The following SHANK1 variants were observed in gnomAD, a reference collection of about 807,000 sequenced individuals.
The protein encoded by SHANK1 is SH3 and multiple ankyrin repeat domains protein 1.
In SHANK1, 35 loss-of-function variants were observed where a neutral mutation model predicts 165.6. That is an observed-to-expected ratio of 0.21 (90% CI 0.16 to 0.28). SHANK1 has a LOEUF of 0.28. Ranked by LOEUF, SHANK1 falls within the 10% of genes least tolerant of loss-of-function variation. SHANK1 has a pLI of 1.00. For synonymous variants in SHANK1, 1,428 were observed against 1,384.8 expected, an observed-to-expected ratio of 1.03 and a Z score of -0.69; for missense variants, 2,681 against 3,036.4, an observed-to-expected ratio of 0.88 and a Z score of 2.75.
At position 50,713,970 on chromosome 19, in the gene SHANK1, G is replaced by A. The variant is rs371374652; in HGVS notation, c.641-21C>T. 2 of 1,613,226 alleles carry A rather than the reference G, an allele frequency of 1.2e-6. No homozygotes were observed. Among genetic ancestry groups the A allele is most frequent in the East Asian group, 4.5e-5 (2 of 44,868 alleles). On this transcript the variant is annotated intron_variant, in intron 5 of 23. Transcript: ENST00000293441. This position sits in a 1 kb window ranked among gnomAD's most constrained non-coding sequence, Gnocchi z 6.2. ...GGTCTCTGAAGGGCGGGAAAAGCTGGTCACATGAAGCCCCTTCTCCTCCCC... is the reference window on the plus strand; with the variant it reads ...GGTCTCTGAAGGGCGGGAAAAGCTGATCACATGAAGCCCCTTCTCCTCCCC...
intron 11 of SHANK1, among the ~76,000 whole-genome samples, 193 bp downstream of exon 11, chr19:50,703,307 G>C (rs1038193809): frequency 6.6e-6 from 1 of 152,140 alleles, no homozygotes; most frequent in African/African-American, 2.4e-5. Context: ...CAGACATCCA[G>C]CTAACATGTG....
intron 21 of SHANK1, among the ~76,000 whole-genome samples, chr19:50,682,466 A>G (rs969343439): frequency 6.6e-6 from 1 of 152,190 alleles, no homozygotes; most frequent in Non-Finnish European, 1.5e-5. Flanking sequence ...CTTTAGCCCC[A>G]TTTTAAAGAA....
At chr19:50,683,120 C>T (rs1380717502) in intron 21 of SHANK1, among the ~76,000 whole-genome samples, 3 of 152,188 alleles carry the variant, frequency 2.0e-5, no homozygotes, top group African/African-American at 7.2e-5. Context: ...GTGTGAGCCC[C>T]TGCGCCCGGC....
At chr19:50,701,451 C>T (rs755414232) in intron 12 of SHANK1, among the ~76,000 whole-genome samples, 20 of 151,940 alleles carry the variant, frequency 1.3e-4, no homozygotes, top group South Asian at 4.2e-4. Flanking sequence ...CCTCGGCCTC[C>T]GAAAGTGCTG....
intron 21 of SHANK1, among the ~76,000 whole-genome samples, chr19:50,672,508 A>G (rs796456933): frequency 3.2e-4 from 46 of 144,964 alleles, no homozygotes; most frequent in African/African-American, 1.2e-3. Flanking sequence ...GTGAGCCAAG[A>G]TCACACCACT....
chr19:50,713,936 T>C lies in SHANK1; in HGVS notation c.654A>G (p.Thr218=), dbSNP rs969254251. The change falls in exon 6 of 24, where the codon ACA becomes ACG. Residue 218 remains threonine (T), a synonymous_variant. Coordinates refer to ENST00000293441, the MANE Select transcript of SHANK1 (RefSeq NM_016148.5). The surrounding 1 kb of genome is among the most constrained non-coding windows in gnomAD (Gnocchi z 6.2). ...CAGAGCCTTCGGTCTGGGCCGCCAG[T>C]GTCAAGGGGGTCTCTGAAGGGCGGG... ...HDSDSGETPL[T]LAAQTEGSVE... The C allele has an allele frequency of 5.0e-6, 8 of 1,613,658 alleles. No individual in the cohort carries two copies. The highest frequency in any genetic ancestry group is 1.3e-5 in the African/African-American group (1 of 74,870).
chr19:50,674,267 G>A (rs1985904699), intron 21 of SHANK1, among the ~76,000 whole-genome samples: 1 of 152,054 alleles, frequency 6.6e-6, no homozygotes, highest in South Asian at 2.1e-4. Context: ...GTAACAGGGA[G>A]AATCAGCCAA....
At position 50,659,479 on chromosome 19, in the gene SHANK1, C is replaced by T. The variant is rs1416462931; in HGVS notation, c.*2486G>A. ...GAACTGAAGCCCGCGAAAGGGAAGA[C>T]CTGGGCACCGGGGCTTTCAGCGCGT... is the stretch of plus-strand genomic sequence containing the variant. On this transcript the variant is annotated 3_prime_UTR_variant, in exon 24 of 24. Coordinates refer to ENST00000293441, the MANE Select transcript of SHANK1 (RefSeq NM_016148.5). Among the ~76,000 whole-genome samples, 2 of 151,840 alleles carry T rather than the reference C, an allele frequency of 1.3e-5. No homozygotes were observed. Among genetic ancestry groups the T allele is most frequent in the African/African-American group, 4.8e-5 (2 of 41,324 alleles).
Position 50,659,387 on chromosome 19 carries a change from A to C in SHANK1, c.*2578T>G. 2.1e-5 allele frequency: 7 copies of C among 333,684 alleles called. No homozygotes were observed. Among genetic ancestry groups the C allele is most frequent in the East Asian group, 4.6e-5 (1 of 21,788 alleles). 20.7% of individuals were successfully genotyped at this position (333,684 alleles called of 1,614,324 possible). On this transcript the variant is annotated 3_prime_UTR_variant, in exon 24 of 24. Transcript: ENST00000293441. ...GGTAGGAATGAACCCCCATGTTATAATCCCGCGTCCCTAATCTTCCTCCAG... is the reference window on the plus strand; with the variant it reads ...GGTAGGAATGAACCCCCATGTTATACTCCCGCGTCCCTAATCTTCCTCCAG...
chr19:50,683,997 C>A (rs920164108), intron 21 of SHANK1, among the ~76,000 whole-genome samples: 3 of 152,232 alleles, frequency 2.0e-5, no homozygotes, highest in African/African-American at 7.2e-5. Flanking sequence ...GAATGCAAAT[C>A]TCTAAGACTG....
chr19:50,717,153 C>A lies in SHANK1; in HGVS notation c.-43-191G>T, dbSNP rs1368035331. Among the ~76,000 whole-genome samples, 1 of 152,200 alleles carries A rather than the reference C, an allele frequency of 6.6e-6. No individual in the cohort carries two copies. Among genetic ancestry groups the A allele is most frequent in the Non-Finnish European group, 1.5e-5 (1 of 68,028 alleles). On this transcript the variant is annotated intron_variant, in intron 1 of 23. Transcript: ENST00000293441. This position sits in a 1 kb window ranked among gnomAD's most constrained non-coding sequence, Gnocchi z 5.5. ...CCTCCCACGCTGGCACGCACACACC[C>A]CTGTCCCTGACATGCTTCTGGCATG... is the stretch of plus-strand genomic sequence containing the variant.
chr19:50,689,115 T>C, intron 16 of SHANK1, 82 bp downstream of exon 16: 1 of 1,259,908 alleles, frequency 7.9e-7, no homozygotes, highest in Non-Finnish European at 1.2e-6. Flanking sequence ...CTGGGGTCCC[T>C]TCCCCTTTCC....
In SHANK1 at chr19:50,697,473, A is replaced by G. The variant is rs914633802; in HGVS notation, c.1937+116T>C. On this transcript the variant is annotated intron_variant, in intron 14 of 23. Transcript: ENST00000293441. The surrounding 1 kb of genome is among the most constrained non-coding windows in gnomAD (Gnocchi z 4.7). ...CTGGCTTATCCCACCCCTGGATCAA[A>G]CTTGAGAAGGAACAGATTAGAAAGG... 3 of 932,486 alleles carry G rather than the reference A, an allele frequency of 3.2e-6. No homozygotes were observed. Among genetic ancestry groups the G allele is most frequent in the African/African-American group, 1.6e-5 (1 of 61,674 alleles). The allele number at this position is 932,486 out of a possible 1,614,324, so 57.8% of individuals were successfully genotyped here. A position where few individuals can be genotyped will look rare whatever the true frequency, so the allele number is the denominator to read the frequency against.
rs1986444847 is a variant in SHANK1, at chr19:50,688,833, C to T, written c.2172+11G>A. The T allele has an allele frequency of 1.2e-6, 2 of 1,606,810 alleles. No individual in the cohort carries two copies. The highest frequency in any genetic ancestry group is 1.7e-6 in the Non-Finnish European group (2 of 1,176,632). On this transcript the variant is annotated intron_variant, in intron 17 of 23. Coordinates refer to ENST00000293441, the MANE Select transcript of SHANK1 (RefSeq NM_016148.5). The surrounding 1 kb of genome is among the most constrained non-coding windows in gnomAD (Gnocchi z 6.7). ...ACAGGGTCCCAGGGAAGAGAGGGGG[C>T]CTGGACTGACCTCGATGAGGAAGTC...
intron 8 of SHANK1, among the ~76,000 whole-genome samples, chr19:50,705,546 G>A (rs1456814978): frequency 6.6e-6 from 1 of 152,072 alleles, no homozygotes; most frequent in Non-Finnish European, 1.5e-5. Flanking sequence ...ATAATCCTTT[G>A]GTGATTCATT....
In SHANK1 at chr19:50,666,292, C is replaced by A; in HGVS notation, c.5668G>T (p.Ala1890Ser). The A allele has an allele frequency of 6.2e-7, 1 of 1,612,064 alleles. No homozygotes were observed. Among genetic ancestry groups the A allele is most frequent in the Non-Finnish European group, 8.5e-7 (1 of 1,179,378 alleles). ...CTGCCTCCTCGGGCCCAGGGCAGAG[C>A]GCCGCCAGCTGCCGAGGAGCCCCCA... Reference protein sequence around the residue: ...QFGGSSAAGGALPWARGGSGG... With the variant: ...QFGGSSAAGGSLPWARGGSGG... The change falls in exon 23 of 24, where the codon GCT (alanine) becomes TCT (serine). Residue 1890 changes from alanine to serine, a missense_variant. Physicochemically the swap from Ala to Ser is moderately conservative, Grantham distance 99. Around this residue, in one of 10 missense-constraint regions of SHANK1, gnomAD observed 1,713 missense variants for 1,630.2 expected, o/e 1.05. Coordinates refer to ENST00000293441, the MANE Select transcript of SHANK1 (RefSeq NM_016148.5).
chr19:50,716,165 C>T lies in SHANK1; in HGVS notation c.459+110G>A. ...GATGCTTAGAAGGTCTGGACTCGCACACTGGGTGCCCCCTCGTTAAGGTTT... is the reference window on the plus strand; with the variant it reads ...GATGCTTAGAAGGTCTGGACTCGCATACTGGGTGCCCCCTCGTTAAGGTTT... On this transcript the variant is annotated intron_variant, in intron 3 of 23. Coordinates refer to ENST00000293441, the MANE Select transcript of SHANK1 (RefSeq NM_016148.5). The surrounding 1 kb of genome is among the most constrained non-coding windows in gnomAD (Gnocchi z 8.4). The T allele has an allele frequency of 2.0e-6, 2 of 1,006,492 alleles. No individual in the cohort carries two copies. Among genetic ancestry groups the T allele is most frequent in the Non-Finnish European group, 3.1e-6 (2 of 648,332 alleles). The allele number at this position is 1,006,492 out of a possible 1,614,324, so 62.3% of individuals were successfully genotyped here. A position where few individuals can be genotyped will look rare whatever the true frequency, so the allele number is the denominator to read the frequency against.
intron 21 of SHANK1, among the ~76,000 whole-genome samples, chr19:50,675,270 T>A (rs1298642846): frequency 6.6e-6 from 1 of 152,126 alleles, no homozygotes; most frequent in Non-Finnish European, 1.5e-5. Flanking sequence ...CAAGTGTAAA[T>A]TTCAATTAAT....
In SHANK1 at chr19:50,718,324, T is replaced by C. The variant is rs866449798; in HGVS notation, c.-44+1082A>G. Among the ~76,000 whole-genome samples the C allele has an allele frequency of 6.7e-6, 1 of 148,756 alleles. No homozygotes were observed. The highest frequency in any genetic ancestry group is 1.5e-5 in the Non-Finnish European group (1 of 67,178). ...GCGGAGACCCCGGCTGCCTCCTCCC[T>C]GCCCCGCCGCACAGCCCACCTCGCG... On this transcript the variant is annotated intron_variant, in intron 1 of 23. Coordinates refer to ENST00000293441, the MANE Select transcript of SHANK1 (RefSeq NM_016148.5). The surrounding 1 kb of genome is among the most constrained non-coding windows in gnomAD (Gnocchi z 5.1).
Sources: allele counts gnomAD v4.1 joint callset (sites outside exome capture counted in the v4.1 genomes callset), GRCh38; gene constraint gnomAD v4.1.1; regional missense constraint gnomAD v4.1.1; non-coding constraint Gnocchi (gnomAD v3.1); transcripts MANE v1.5; gene names NCBI Gene and HGNC (gene_info 2026-07-23, HGNC 2026-07-21).